PTPRG: variants seen among roughly 807,000 people sequenced by gnomAD.
PTPRG encodes protein tyrosine phosphatase receptor type G.
A neutral mutation model predicts 165.3 loss-of-function variants in PTPRG; 102 were observed. The ratio of observed to expected loss-of-function variants is 0.62; its 90% CI spans 0.53 to 0.73. The LOEUF (loss-of-function observed/expected upper bound fraction) is 0.73, where lower values mean the gene tolerates loss of function less well. PTPRG is among the 30% of genes least tolerant of loss of function. PTPRG has a pLI of 0.00. For synonymous variants in PTPRG, 675 were observed against 669.5 expected (o/e 1.01, Z -0.13); for missense variants, 1,866 against 1,861.4 (o/e 1.00, Z -0.05).
intron 2 of PTPRG, among the ~76,000 whole-genome samples, chr3:61,939,084 A>G (rs921101004): frequency 6.6e-6 from 1 of 152,206 alleles, no homozygotes; most frequent in Non-Finnish European, 1.5e-5. Context: ...AACTGGGTAC[A>G]GGCGCGATGT....
chr3:62,281,464 G>T lies in PTPRG; in HGVS notation c.3766-99G>T, dbSNP rs528443564. Reference sequence around the variant, plus strand: ...TCTTATGAATTCAGTTTAAACGATGGCTTGAGAGGGATGGGAAATGACAAA... The same window carrying T: ...TCTTATGAATTCAGTTTAAACGATGTCTTGAGAGGGATGGGAAATGACAAA... On this transcript the variant is annotated intron_variant, in intron 26 of 29. Transcript: ENST00000474889. 474 of 1,080,666 alleles carry T rather than the reference G, an allele frequency of 4.4e-4. 2 individuals carry two copies. The African/African-American group carries it at 7.0e-3, about 16-fold the overall frequency. The allele number at this position is 1,080,666 out of a possible 1,614,324, so 66.9% of individuals were successfully genotyped here.
intron 2 of PTPRG, chr3:61,770,558 T>G (rs2034177818): frequency 6.6e-6 from 1 of 152,190 alleles, no homozygotes. Flanking sequence ...CTTAAATAAT[T>G]TTTCTCAACT....
rs112746153 is a variant in PTPRG at position 61,699,059 on chromosome 3, C to T, written c.86-49819C>T. On this transcript the variant is annotated intron_variant, in intron 1 of 29. Transcript: ENST00000474889. ...CGGGGAGGGATAGCATTAGGAGATACACCTAATGTTAAATCACGAGTTAAT... is the reference window on the plus strand; with the variant it reads ...CGGGGAGGGATAGCATTAGGAGATATACCTAATGTTAAATCACGAGTTAAT... Among the ~76,000 whole-genome samples the T allele has an allele frequency of 3.8e-3, 573 of 152,094 alleles. 3 individuals carry two copies. Among genetic ancestry groups the T allele is most frequent in the African/African-American group, 9.6e-3 (400 of 41,472 alleles).
At chr3:61,734,281 C>T (rs185519030) in intron 1 of PTPRG, among the ~76,000 whole-genome samples, 233 of 152,176 alleles carry the variant, frequency 1.5e-3, no homozygotes, top group African/African-American at 5.3e-3. Flanking sequence ...TTTTTCTCTC[C>T]TACTTTTTGG....
At chr3:62,017,956 T>A (rs1464808893) in intron 4 of PTPRG, among the ~76,000 whole-genome samples, 2 of 152,124 alleles carry the variant, frequency 1.3e-5, no homozygotes, top group Admixed American at 1.3e-4. Context: ...GCCATGAGAA[T>A]TGTATGCTGC....
chr3:62,156,979 C>T (rs1191365029), intron 6 of PTPRG, 88 bp from the exon 7 acceptor site: 6 of 1,215,896 alleles, frequency 4.9e-6, no homozygotes, highest in African/African-American at 1.5e-5. Context: ...CGATGTGGCA[C>T]CAGCATGCCG....
chr3:61,970,784 G>A (rs1296628435), intron 2 of PTPRG, among the ~76,000 whole-genome samples: 2 of 151,452 alleles, frequency 1.3e-5, no homozygotes, highest in African/African-American at 2.4e-5. Context: ...GGTAGGTTAG[G>A]AAAGAATCAC....
At chr3:61,985,155 A>C (rs554833283) in intron 2 of PTPRG, among the ~76,000 whole-genome samples, 1 of 152,342 alleles carries the variant, frequency 6.6e-6, no homozygotes, top group Admixed American at 6.5e-5. Flanking sequence ...AGAGGGGCGA[A>C]CTCTACTTTT....
chr3:61,856,355 A>G (rs927059259), intron 2 of PTPRG, among the ~76,000 whole-genome samples: 1 of 152,072 alleles, frequency 6.6e-6, no homozygotes, highest in African/African-American at 2.4e-5. Context: ...TTCTAAGACC[A>G]AGAATTTTAC....
intron 5 of PTPRG, among the ~76,000 whole-genome samples, chr3:62,090,654 A>G (rs922375959): frequency 6.6e-6 from 1 of 152,222 alleles, no homozygotes; most frequent in African/African-American, 2.4e-5. Flanking sequence ...AATATTAACA[A>G]TAGTAAAAAT....
intron 2 of PTPRG, among the ~76,000 whole-genome samples, chr3:61,765,455 A>G (rs1338094246): frequency 6.6e-6 from 1 of 152,160 alleles, no homozygotes; most frequent in African/African-American, 2.4e-5. Context: ...AGAGGCCGTT[A>G]GGAAATAATA....
chr3:62,058,268 C>T (rs1020425462), intron 4 of PTPRG, among the ~76,000 whole-genome samples: 1 of 152,200 alleles, frequency 6.6e-6, no homozygotes, highest in Non-Finnish European at 1.5e-5. Flanking sequence ...TATAAGGGAG[C>T]ATAAGTTGCC....
At chr3:61,995,504 A>G (rs2041010153) in intron 3 of PTPRG, among the ~76,000 whole-genome samples, 1 of 152,060 alleles carries the variant, frequency 6.6e-6, no homozygotes, top group South Asian at 2.1e-4. Flanking sequence ...TGGTTGCTCA[A>G]GTGTAACACG....
At chr3:61,838,410 A>G (rs534301914) in intron 2 of PTPRG, among the ~76,000 whole-genome samples, 117 of 152,318 alleles carry the variant, frequency 7.7e-4, no homozygotes, top group African/African-American at 2.6e-3. Context: ...GTTTCAAAAT[A>G]AGATGGCCAA....
At chr3:61,749,983 A>G (rs2033366700) in intron 2 of PTPRG, 1 of 152,196 alleles carries the variant, frequency 6.6e-6, no homozygotes. Context: ...CTGATCTTTA[A>G]TTATACCTTA....
intron 4 of PTPRG, among the ~76,000 whole-genome samples, chr3:62,061,666 T>A (rs561098480): frequency 6.6e-6 from 1 of 151,056 alleles, no homozygotes; most frequent in African/African-American, 2.4e-5. Context: ...TCTCGCTCTG[T>A]CGCCCAGGCC....
chr3:62,110,733 T>C (rs1024173676), intron 5 of PTPRG, among the ~76,000 whole-genome samples: 1 of 152,224 alleles, frequency 6.6e-6, no homozygotes, highest in African/African-American at 2.4e-5. Flanking sequence ...TTCACATTTC[T>C]AAGAGCATGA....
chr3:61,859,165 C>T (rs1259389447), intron 2 of PTPRG, among the ~76,000 whole-genome samples: 1 of 151,266 alleles, frequency 6.6e-6, no homozygotes, highest in African/African-American at 2.4e-5. Context: ...TGTGCTTTAA[C>T]TATATAGTAA....
At chr3:61,582,503 A>G (rs1430402241) in intron 1 of PTPRG, among the ~76,000 whole-genome samples, 1 of 152,190 alleles carries the variant, frequency 6.6e-6, no homozygotes, top group Non-Finnish European at 1.5e-5. Flanking sequence ...CGAAGTGGCG[A>G]GTGCAGCCAG....
Sources: gnomAD v4.1 joint callset for allele counts (sites outside exome capture counted in the v4.1 genomes callset) on GRCh38, gnomAD v4.1.1 for gene constraint, MANE v1.5 for transcripts, NCBI Gene and HGNC (gene_info 2026-07-23, HGNC 2026-07-21) for gene names.